Variants in ACADVL observed in about 807,000 individuals in gnomAD.
ACADVL encodes very long-chain acyl-CoA dehydrogenase, mitochondrial.
A neutral mutation model predicts 80.4 loss-of-function variants in ACADVL; 73 were observed. The ratio of observed to expected loss-of-function variants is 0.91; its 90% confidence interval spans 0.75 to 1.10. The LOEUF (loss-of-function observed/expected upper bound fraction) is 1.10. Ranked by LOEUF, ACADVL falls within the 50% of genes least tolerant of loss-of-function variation. The pLI is 0.00. For synonymous variants in ACADVL, 392 were observed against 326.5 expected, an observed-to-expected ratio of 1.20 and a Z score of -2.16; for missense variants, 878 against 858.9, an observed-to-expected ratio of 1.02 and a Z score of -0.28.
upstream of ACADVL, chr17:7,218,331 G>A: frequency 6.4e-7 from 1 of 1,567,584 alleles, no homozygotes; most frequent in Non-Finnish European, 8.7e-7. Context: ...GCCTCTCCAG[G>A]CACATCACCC....
rs545081839 is a variant in ACADVL, at chr17:7,220,363, G to A, written c.139-101G>A. On this transcript the variant is annotated intron_variant, in intron 2 of 19. Transcript: ENST00000356839. ...TGCCCTAGGGCGAAACTAGGGGAAA[G>A]GTCACCGCTTCGCGCCGCCTCCCCG... 1.8e-5 allele frequency: 29 copies of A among 1,581,744 alleles called. No homozygotes were observed. The East Asian group carries it at 6.1e-4, about 33-fold the overall frequency.
rs754893775 is a variant in ACADVL at position 7,224,223 on chromosome 17, G to A, written c.1512G>A (p.Glu504=). The change falls in exon 15 of 20, where the codon GAG becomes GAA. Residue 504 remains glutamate, a synonymous_variant. Transcript: ENST00000356839. ...PFGNAGLLLG[E]AGKQLRRRAG... ...GGAATGCTGGCCTCCTGCTAGGAGA[G>A]GCAGGCAAACAGCTGAGGCGGTAGG... 1.2e-6 allele frequency: 2 copies of A among 1,614,038 alleles called. No homozygotes were observed. The highest frequency in any genetic ancestry group is 1.7e-6 in the Non-Finnish European group (2 of 1,180,032).
At position 7,221,472 on chromosome 17, in the gene ACADVL, ACT is replaced by A. The variant is rs547847682; in HGVS notation, c.478-62_478-61del. On this transcript the variant is annotated intron_variant, in intron 6 of 19. Coordinates refer to ENST00000356839, the MANE Select transcript of ACADVL (RefSeq NM_000018.4). ...GGTCAGGAACTGCCCTGTTGCCCAC[ACT>A]CTCCTGTTAAGGTCAGGTCCCCCTG... is the stretch of plus-strand genomic sequence containing the variant. 538 of 1,611,240 alleles carry A rather than the reference ACT, an allele frequency of 3.3e-4. 5 individuals carry two copies. In the African/African-American group the frequency reaches 6.7e-3, roughly 20 times the overall value.
At position 7,219,988 on chromosome 17, in the gene ACADVL, C is replaced by T; in HGVS notation, c.4C>T (p.Gln2Ter). The change falls in exon 1 of 20, where the codon CAG (glutamine) becomes TAG (stop). Residue 2 changes from glutamine (Q) to a stop codon, truncating the protein, a stop_gained. Coordinates refer to ENST00000356839, the MANE Select transcript of ACADVL (RefSeq NM_000018.4). LOFTEE classifies it high-confidence loss of function. ...CGGCGCCCGGAGAGATTCGGAGATG[C>T]AGGCGGCTCGGATGGCCGCGAGCTT... The part of the protein sequence containing the change: M[Q>*]AARMAASLGR... 1.2e-6 allele frequency: 2 copies of T among 1,602,772 alleles called. No homozygotes were observed. Among genetic ancestry groups the T allele is most frequent in the Non-Finnish European group, 1.7e-6 (2 of 1,177,862 alleles).
rs1280800189 is a variant in ACADVL at position 7,224,137 on chromosome 17, C to A, written c.1435-9C>A. ...TGAGTCCTGACTGCTGGACCCTCTTCCCCCATAGGACAAAGGAAAGGAGCT... is the reference window on the plus strand; with the variant it reads ...TGAGTCCTGACTGCTGGACCCTCTTACCCCATAGGACAAAGGAAAGGAGCT... On this transcript the variant is annotated splice_polypyrimidine_tract_variant and intron_variant, in intron 14 of 19. Transcript: ENST00000356839. The A allele has an allele frequency of 7.4e-6, 12 of 1,613,976 alleles. No individual in the cohort carries two copies. Among genetic ancestry groups the A allele is most frequent in the Non-Finnish European group, 1.0e-5 (12 of 1,179,922 alleles).
Position 7,221,993 on chromosome 17 carries a change from G to A in ACADVL, c.664G>A (p.Gly222Arg), listed in dbSNP as rs398123091. The change falls in exon 8 of 20, where the codon GGG becomes AGG. Residue 222 changes from glycine to arginine, a missense_variant. By Grantham distance (125) the Gly-to-Arg change is moderately radical (BLOSUM62 -2). Transcript: ENST00000356839. ...AAFCLTEPSS[G>R]SDAASIRTSA... The stretch of plus-strand genomic sequence containing the variant: ...TTTCTGTCTAACCGAGCCCTCAAGC[G>A]GGTCAGATGCAGCCTCCATCCGAAC... 15 of 1,613,928 alleles carry A rather than the reference G, an allele frequency of 9.3e-6. No individual in the cohort carries two copies. The highest frequency in any genetic ancestry group is 1.1e-5 in the South Asian group (1 of 91,084).
At chr17:7,222,116 C>G in intron 8 of ACADVL, 35 bp downstream of exon 8, 1 of 1,614,182 alleles carries the variant, frequency 6.2e-7, no homozygotes, top group South Asian at 1.1e-5. Flanking sequence ...TTCTCCTCCG[C>G]CCAATTCCAG....
upstream of ACADVL, chr17:7,218,301 G>C (rs1199981793): frequency 6.2e-7 from 1 of 1,604,606 alleles, no homozygotes; most frequent in East Asian, 2.3e-5. Context: ...GAACAGAACT[G>C]AGTTACCTCC....
In ACADVL at chr17:7,222,051, A is replaced by G. The variant is rs575789958; in HGVS notation, c.722A>G (p.Tyr241Cys). ...SAVPSPCGKY[Y>C]TLNGSKLWIS... The stretch of plus-strand genomic sequence containing the variant: ...GTGCCCAGCCCCTGTGGAAAATACT[A>G]TACCCTCAATGGAAGCAAGCTTTGG... Residue 241 changes from tyrosine to cysteine, a missense_variant, in exon 8 of 20, where the codon TAT becomes TGT. Tyr to Cys is a radical substitution (Grantham distance 194). Coordinates refer to ENST00000356839, the MANE Select transcript of ACADVL (RefSeq NM_000018.4). 4.3e-6 allele frequency: 7 copies of G among 1,614,040 alleles called. No individual in the cohort carries two copies. The highest frequency in any genetic ancestry group is 1.7e-5 in the Admixed American group (1 of 60,012).
At position 7,220,956 on chromosome 17, in the gene ACADVL, G is replaced by C; in HGVS notation, c.375G>C (p.Leu125=). 1 of 1,614,152 alleles carries C rather than the reference G, an allele frequency of 6.2e-7. No homozygotes were observed. The highest frequency in any genetic ancestry group is 8.5e-7 in the Non-Finnish European group (1 of 1,180,044). The change falls in exon 6 of 20, where the codon CTG becomes CTC. Residue 125 remains leucine, a synonymous_variant. Transcript: ENST00000356839. ...EVNDPAKNDA[L]EMVEETTWQG... is the part of the protein sequence containing the mutation. ...ACGATCCCGCCAAGAATGACGCTCT[G>C]GAGATGGTGGAGGAGACCACTTGGC...
chr17:7,224,926 G>A (rs755811607), intron 19 of ACADVL, 31 bp from the exon 20 acceptor site: 3 of 1,614,040 alleles, frequency 1.9e-6, no homozygotes, highest in Middle Eastern at 1.6e-4. Context: ...GGCTGGAGGT[G>A]CAGGCCCAAC....
In ACADVL at chr17:7,224,513, G is replaced by C; in HGVS notation, c.1639G>C (p.Val547Leu). 6.2e-7 allele frequency: 1 copy of C among 1,613,528 alleles called. No homozygotes were observed. Among genetic ancestry groups the C allele is most frequent in the Non-Finnish European group, 8.5e-7 (1 of 1,180,012 alleles). The change falls in exon 17 of 20, where the codon GTG (valine) becomes CTG (leucine). Residue 547 changes from valine (V) to leucine (L), a missense_variant. Val to Leu is a conservative substitution (Grantham distance 32). Transcript: ENST00000356839. ...VRALEQFATV[V>L]EAKLIKHKKG... ...GGCTCTGGAGCAGTTTGCCACTGTG[G>C]TGGAGGCCAAGCTGATAAAACACAA...
chr17:7,220,892 A>C (rs766594080), intron 5 of ACADVL, 32 bp from the exon 6 acceptor site: 1 of 1,614,050 alleles, frequency 6.2e-7, no homozygotes. Flanking sequence ...GCTCAAAAGG[A>C]GCCTGGATGT....
upstream of ACADVL, chr17:7,219,867 G>T (rs1381804507): frequency 6.5e-7 from 1 of 1,539,384 alleles, no homozygotes; most frequent in Non-Finnish European, 8.7e-7. Flanking sequence ...GCCCGCAACC[G>T]TCCGCCGCCC....
In ACADVL at chr17:7,220,524, A is replaced by C. The variant is rs765432568; in HGVS notation, c.199A>C (p.Lys67Gln). 1 of 1,614,174 alleles carries C rather than the reference A, an allele frequency of 6.2e-7. No homozygotes were observed. Among genetic ancestry groups the C allele is most frequent in the Non-Finnish European group, 8.5e-7 (1 of 1,180,014 alleles). ...CGCTCTGACCAGGAAAAAACCGGCC[A>C]AGGCGGTAGGTAGCCCCGAGGCCAG... is the stretch of plus-strand genomic sequence containing the variant. ...SDALTRKKPAKAESKSFAVGM... is the reference protein window; with the variant it reads ...SDALTRKKPAQAESKSFAVGM... Residue 67 changes from lysine (K) to glutamine (Q), a missense_variant, in exon 3 of 20, where the codon AAG (lysine) becomes CAG (glutamine). By Grantham distance (53) the Lys-to-Gln change is moderately conservative (BLOSUM62 1). Coordinates refer to ENST00000356839, the MANE Select transcript of ACADVL (RefSeq NM_000018.4).
intron 6 of ACADVL, 152 bp downstream of exon 6, chr17:7,221,210 C>A: frequency 7.6e-7 from 1 of 1,319,078 alleles, no homozygotes; most frequent in Non-Finnish European, 1.1e-6. Flanking sequence ...CCAAACATAA[C>A]ACAATTTACA....
rs2071185965 is a variant in ACADVL at position 7,221,001 on chromosome 17, G to A, written c.420G>A (p.Gly140=). ...CTTGGCAGGGCCTCAAGGAGCTGGG[G>A]GCCTTTGGTCTGCAAGTGCCCAGTG... ...ETTWQGLKEL[G]AFGLQVPSEL... The change falls in exon 6 of 20, where the codon GGG becomes GGA. Residue 140 remains glycine (G), a synonymous_variant. Coordinates refer to ENST00000356839, the MANE Select transcript of ACADVL (RefSeq NM_000018.4). The A allele has an allele frequency of 6.2e-7, 1 of 1,614,030 alleles. No homozygotes were observed. The highest frequency in any genetic ancestry group is 8.5e-7 in the Non-Finnish European group (1 of 1,179,998).
At chr17:7,218,099 G>A (rs771980584), upstream of ACADVL, 28 of 748,644 alleles carry the variant, frequency 3.7e-5, no homozygotes, top group Admixed American at 5.6e-5. Context: ...GTGCATTCTC[G>A]GTGCCCCAAG....
At chr17:7,221,774 G>A (rs55990715) in intron 7 of ACADVL, 92 bp downstream of exon 7, 12 of 1,603,100 alleles carry the variant, frequency 7.5e-6, no homozygotes, top group South Asian at 2.2e-5. Flanking sequence ...AGATGGCTGA[G>A]CATTTCAGTT....
Sources: gnomAD v4.1 joint callset for allele counts on GRCh38, gnomAD v4.1.1 for gene constraint, MANE v1.5 for transcripts, NCBI Gene and HGNC (gene_info 2026-07-23, HGNC 2026-07-21) for gene names.